The following ACAD9 variants were observed in gnomAD, a reference collection of about 807,000 sequenced individuals.
ACAD9 encodes the protein complex I assembly factor ACAD9, mitochondrial.
In ACAD9, 53 loss-of-function variants were observed where a neutral mutation model predicts 70.2. That is an observed-to-expected ratio of 0.75 (90% CI 0.61 to 0.95). The LOEUF (loss-of-function observed/expected upper bound fraction) is 0.95. Ranked by LOEUF, ACAD9 falls within the 40% of genes least tolerant of loss-of-function variation. ACAD9 has a pLI of 0.00. For synonymous variants in ACAD9, 313 were observed against 312.1 expected (o/e 1.00, Z -0.03); for missense variants, 777 against 802.8 (o/e 0.97, Z 0.39).
At chr3:128,893,952 C>T (rs1396668028) in intron 3 of ACAD9, among the ~76,000 whole-genome samples, 2 of 152,190 alleles carry the variant, frequency 1.3e-5, no homozygotes, top group Non-Finnish European at 2.9e-5. Flanking sequence ...TGGACTGTCC[C>T]TGTAATTCTT....
In ACAD9 at chr3:128,903,636, C is replaced by T. The variant is rs187437774; in HGVS notation, c.959-426C>T. On this transcript the variant is annotated intron_variant, in intron 9 of 17. Coordinates refer to ENST00000308982, the MANE Select transcript of ACAD9 (RefSeq NM_014049.5). Reference sequence around the variant, plus strand: ...GCCTGAGTATTCAAGCCAGGCGGCCCCACCTGCTTTGGTCACTGCACGGGG... The same window carrying T: ...GCCTGAGTATTCAAGCCAGGCGGCCTCACCTGCTTTGGTCACTGCACGGGG... 8.5e-5 allele frequency among the ~76,000 whole-genome samples: 13 copies of T among 152,340 alleles called. No individual in the cohort carries two copies. In the East Asian group the frequency reaches 2.1e-3, roughly 25 times the overall value.
At chr3:128,907,257 C>G (rs921923373) in intron 12 of ACAD9, among the ~76,000 whole-genome samples, 1 of 152,148 alleles carries the variant, frequency 6.6e-6, no homozygotes, top group African/African-American at 2.4e-5. Context: ...TGTTCCTGGC[C>G]TACCCATTGG....
chr3:128,906,795 G>C (rs1298939094), intron 12 of ACAD9, among the ~76,000 whole-genome samples: 1 of 152,168 alleles, frequency 6.6e-6, no homozygotes, highest in Non-Finnish European at 1.5e-5. Flanking sequence ...GGCTGGGGCA[G>C]GCAGTGGGTT....
At chr3:128,909,523 A>C in intron 15 of ACAD9, 102 bp downstream of exon 15, 1 of 1,272,726 alleles carries the variant, frequency 7.9e-7, no homozygotes, top group Non-Finnish European at 1.1e-6. Context: ...CAGGCCTAGA[A>C]CAGAAATGTT....
intron 1 of ACAD9, among the ~76,000 whole-genome samples, chr3:128,883,285 C>G (rs1299429515): frequency 1.3e-5 from 2 of 151,736 alleles, no homozygotes; most frequent in Non-Finnish European, 2.9e-5. Context: ...TTAAGCAATC[C>G]CCCTGCGTCA....
At position 128,902,682 on chromosome 3, in the gene ACAD9, C is replaced by A. The variant is rs758286242; in HGVS notation, c.958+54C>A. Reference sequence around the variant, plus strand: ...TGCCCCACCCCCTGCTGCCCCGGCTCCAACCCTGGAGGCTCTGCCATTCCC... The same window carrying A: ...TGCCCCACCCCCTGCTGCCCCGGCTACAACCCTGGAGGCTCTGCCATTCCC... On this transcript the variant is annotated intron_variant, in intron 9 of 17. Transcript: ENST00000308982. The surrounding 1 kb of genome is among the most constrained non-coding windows in gnomAD (Gnocchi z 4.0). The A allele has an allele frequency of 6.3e-7, 1 of 1,589,730 alleles. No homozygotes were observed. The highest frequency in any genetic ancestry group is 1.7e-5 in the Admixed American group (1 of 58,498).
chr3:128,908,325 C>T, intron 13 of ACAD9, 61 bp downstream of exon 13: 1 of 1,589,796 alleles, frequency 6.3e-7, no homozygotes, highest in Non-Finnish European at 8.6e-7. Context: ...GGGGCCAGTC[C>T]AGGGCAGTGG....
chr3:128,905,148 C>CA (rs893527899), intron 11 of ACAD9, among the ~76,000 whole-genome samples: 43 of 147,956 alleles, frequency 2.9e-4, no homozygotes, highest in African/African-American at 6.9e-4. Context: ...AACTCCATCT[C>CA]AAAAAAAAAC....
At chr3:128,910,337 A>G (rs1936133692) in intron 16 of ACAD9, 188 bp downstream of exon 16, 2 of 1,474,006 alleles carry the variant, frequency 1.4e-6, no homozygotes, top group Non-Finnish European at 1.8e-6. Context: ...TTCCTGACTG[A>G]GAGAAGAGGG....
chr3:128,910,245 T>TG (rs1936116726), intron 16 of ACAD9, 96 bp downstream of exon 16: 48 of 1,577,436 alleles, frequency 3.0e-5, no homozygotes, highest in South Asian at 1.1e-4. Flanking sequence ...TGGTCGGGTG[T>TG]GGGGGAGGCT....
In ACAD9 at chr3:128,902,491, C is replaced by G. The variant is rs1014608030; in HGVS notation, c.883-62C>G. The G allele has an allele frequency of 4.5e-6, 7 of 1,570,948 alleles. No homozygotes were observed. Among genetic ancestry groups the G allele is most frequent in the Non-Finnish European group, 6.1e-6 (7 of 1,141,158 alleles). Reference sequence around the variant, plus strand: ...CAAGCTGATCCACCTGGCCTGGTTTCGTTGCGGCCTCCTCCCTCTGCCTCC... The same window carrying G: ...CAAGCTGATCCACCTGGCCTGGTTTGGTTGCGGCCTCCTCCCTCTGCCTCC... On this transcript the variant is annotated intron_variant, in intron 8 of 17. Coordinates refer to ENST00000308982, the MANE Select transcript of ACAD9 (RefSeq NM_014049.5). This position sits in a 1 kb window ranked among gnomAD's most constrained non-coding sequence, Gnocchi z 4.0.
intron 12 of ACAD9, 40 bp downstream of exon 12, chr3:128,906,289 C>G (rs1321163484): frequency 6.8e-6 from 11 of 1,612,068 alleles, no homozygotes; most frequent in South Asian, 2.2e-5. Flanking sequence ...GCTCCACCCC[C>G]ACCCTGCCTG....
rs370655569 is a variant in ACAD9, at chr3:128,902,630, T to C, written c.958+2T>C. The C allele has an allele frequency of 6.2e-7, 1 of 1,613,808 alleles. No homozygotes were observed. The highest frequency in any genetic ancestry group is 1.3e-5 in the African/African-American group (1 of 74,846). The stretch of plus-strand genomic sequence containing the variant: ...CTGGGCTGCTCAAGAGATTGATTGG[T>C]AGGTAAGTTAGGGACAAGGCCCTTT... On this transcript the variant is annotated splice_donor_variant, in intron 9 of 17. Coordinates refer to ENST00000308982, the MANE Select transcript of ACAD9 (RefSeq NM_014049.5). LOFTEE classifies it high-confidence loss of function. This position sits in a 1 kb window ranked among gnomAD's most constrained non-coding sequence, Gnocchi z 4.0.
chr3:128,902,520 AGGGCCCCT>A lies in ACAD9; in HGVS notation c.883-28_883-21del, dbSNP rs1559827146. The A allele has an allele frequency of 3.7e-6, 6 of 1,613,320 alleles. No individual in the cohort carries two copies. In the Admixed American group the frequency reaches 8.3e-5, roughly 22 times the overall value. ...GCGGCCTCCTCCCTCTGCCTCCTTC[AGGGCCCCT>A]GGGCTCTCCCTGTTCTCCCTGCAGG... On this transcript the variant is annotated intron_variant, in intron 8 of 17. Transcript: ENST00000308982. The surrounding 1 kb of genome is among the most constrained non-coding windows in gnomAD (Gnocchi z 4.0).
intron 1 of ACAD9, among the ~76,000 whole-genome samples, chr3:128,882,482 C>T (rs751075538): frequency 6.6e-6 from 1 of 152,226 alleles, no homozygotes; most frequent in Non-Finnish European, 1.5e-5. Flanking sequence ...TACTTTGGAT[C>T]AGGCCAGTGT....
chr3:128,897,598 A>G (rs1176543884), intron 5 of ACAD9, 34 bp from the exon 6 acceptor site: 2 of 1,598,066 alleles, frequency 1.3e-6, no homozygotes, highest in Non-Finnish European at 1.7e-6. Flanking sequence ...TATTCCCAGT[A>G]TTCTCCCTTG....
intron 2 of ACAD9, among the ~76,000 whole-genome samples, chr3:128,890,118 G>A (rs764596196): frequency 6.6e-5 from 10 of 151,872 alleles, no homozygotes; most frequent in African/African-American, 4.8e-5. Flanking sequence ...GAACCACTGC[G>A]CCTGGCCTGT....
In ACAD9 at chr3:128,902,109, C is replaced by G. The variant is rs577771709; in HGVS notation, c.883-444C>G. ...CACATTTTGTTCATCCATTCACCAGCTGATGGACATTGGGGTTGTTACCGC... is the reference window on the plus strand; with the variant it reads ...CACATTTTGTTCATCCATTCACCAGGTGATGGACATTGGGGTTGTTACCGC... On this transcript the variant is annotated intron_variant, in intron 8 of 17. Coordinates refer to ENST00000308982, the MANE Select transcript of ACAD9 (RefSeq NM_014049.5). This position sits in a 1 kb window ranked among gnomAD's most constrained non-coding sequence, Gnocchi z 4.0. Among the ~76,000 whole-genome samples the G allele has an allele frequency of 7.9e-5, 12 of 152,352 alleles. No individual in the cohort carries two copies. In the East Asian group the frequency reaches 2.3e-3, roughly 29 times the overall value.
chr3:128,885,255 C>G (rs1935212117), intron 2 of ACAD9, among the ~76,000 whole-genome samples: 1 of 152,234 alleles, frequency 6.6e-6, no homozygotes, highest in African/African-American at 2.4e-5. Flanking sequence ...GGCCGGTCCT[C>G]CAGCCAGGGC....
Sources: allele counts gnomAD v4.1 joint callset (sites outside exome capture counted in the v4.1 genomes callset), GRCh38; gene constraint gnomAD v4.1.1; non-coding constraint Gnocchi (gnomAD v3.1); transcripts MANE v1.5; gene names NCBI Gene and HGNC (gene_info 2026-07-23, HGNC 2026-07-21).